Variants in IQSEC1 observed in about 807,000 individuals in gnomAD.
IQSEC1 encodes IQ motif and Sec7 domain ArfGEF 1, also known as IQ motif and SEC7 domain-containing protein 1.
In IQSEC1, 31 loss-of-function variants were observed where a neutral mutation model predicts 91.0. The observed-to-expected ratio is 0.34, with a 90% CI of 0.26 to 0.46. IQSEC1 has a LOEUF of 0.46. IQSEC1 is among the 20% of genes least tolerant of loss of function. IQSEC1 has a pLI of 1.00. For synonymous variants in IQSEC1, 699 were observed against 662.6 expected (o/e 1.05, Z -0.84); for missense variants, 1,388 against 1,575.6 (o/e 0.88, Z 2.02).
At chr3:12,944,667 G>A (rs191164825) in intron 1 of IQSEC1, among the ~76,000 whole-genome samples, 2 of 152,224 alleles carry the variant, frequency 1.3e-5, no homozygotes, top group South Asian at 2.1e-4. Flanking sequence ...AGGGAACAAC[G>A]GCTGGTCCTT....
At chr3:13,231,523 G>A (rs957345593) in intron 1 of IQSEC1, among the ~76,000 whole-genome samples, 1 of 150,154 alleles carries the variant, frequency 6.7e-6, no homozygotes, top group African/African-American at 2.5e-5. Context: ...TCCATCATGA[G>A]GGCTCCACCT....
At chr3:12,987,912 C>T (rs527759432) in intron 1 of IQSEC1, among the ~76,000 whole-genome samples, 23 of 152,286 alleles carry the variant, frequency 1.5e-4, no homozygotes, top group East Asian at 5.8e-4. Context: ...TGAGTGAAAA[C>T]GACAAAGACC....
chr3:12,932,472 G>A (rs889994338), intron 3 of IQSEC1, among the ~76,000 whole-genome samples: 8 of 152,320 alleles, frequency 5.3e-5, no homozygotes, highest in South Asian at 2.1e-4. Context: ...GGTAACGTGC[G>A]TTAGCGCGTG....
intron 2 of IQSEC1, among the ~76,000 whole-genome samples, chr3:13,119,465 C>T (rs1706388911): frequency 6.6e-6 from 1 of 152,238 alleles, no homozygotes; most frequent in African/African-American, 2.4e-5. Context: ...CTGAGATGAC[C>T]TGATACCGTC....
Position 12,908,290 on chromosome 3 carries a change from G to A in IQSEC1, c.2755+59C>T, listed in dbSNP as rs777999280. 206 of 1,565,204 alleles carry A rather than the reference G, an allele frequency of 1.3e-4. No individual in the cohort carries two copies. The highest frequency in any genetic ancestry group is 1.7e-4 in the Non-Finnish European group (197 of 1,146,592). ...CGTGATGCATGCCCTGAATGCAGAC[G>A]CCCTGCCTCGGTCTTGCATGCGCTG... On this transcript the variant is annotated intron_variant, in intron 12 of 13. Transcript: ENST00000613206. The surrounding 1 kb of genome is among the most constrained non-coding windows in gnomAD (Gnocchi z 4.9).
In IQSEC1 at chr3:13,214,076, C is replaced by T. The variant is rs909282792; in HGVS notation, c.273-49943G>A. On this transcript the variant is annotated intron_variant, in intron 1 of 15. Coordinates refer to the IQSEC1 transcript ENST00000648114. This position sits in a 1 kb window ranked among gnomAD's most constrained non-coding sequence, Gnocchi z 4.5. ...GGCCTGTCCCCTGTGTCCCTGTCCA[C>T]TGTGCTCTGTCCACACGGCCCAGCC... Among the ~76,000 whole-genome samples, 1 of 152,226 alleles carries T rather than the reference C, an allele frequency of 6.6e-6. No individual in the cohort carries two copies. Among genetic ancestry groups the T allele is most frequent in the African/African-American group, 2.4e-5 (1 of 41,460 alleles).
chr3:13,146,078 C>A (rs1430559002), intron 2 of IQSEC1, among the ~76,000 whole-genome samples: 1 of 152,098 alleles, frequency 6.6e-6, no homozygotes, highest in Non-Finnish European at 1.5e-5. Context: ...GCCTTGAACT[C>A]CTGGGCTCAA....
At chr3:13,076,314 T>C (rs1326293202), upstream of IQSEC1, among the ~76,000 whole-genome samples, 1 of 152,210 alleles carries the variant, frequency 6.6e-6, no homozygotes, top group African/African-American at 2.4e-5. Context: ...TGCCTCATCA[T>C]TGTGGACTGT....
chr3:13,151,799 C>G (rs1372837409), intron 2 of IQSEC1, among the ~76,000 whole-genome samples: 1 of 152,154 alleles, frequency 6.6e-6, no homozygotes, highest in Non-Finnish European at 1.5e-5. Flanking sequence ...AACCCTGTCT[C>G]TACTAAAAAT....
At chr3:13,077,221 A>G (rs966944976), upstream of IQSEC1, among the ~76,000 whole-genome samples, 1 of 152,164 alleles carries the variant, frequency 6.6e-6, no homozygotes, top group African/African-American at 2.4e-5. Flanking sequence ...AAAGATTTAA[A>G]ATGTGCCAAA....
intron 1 of IQSEC1, among the ~76,000 whole-genome samples, chr3:13,058,950 G>T (rs2125082836): frequency 6.6e-6 from 1 of 152,152 alleles, no homozygotes; most frequent in East Asian, 1.9e-4. Context: ...CAGCCAGGTG[G>T]GTGGGCTGAG....
intron 1 of IQSEC1, among the ~76,000 whole-genome samples, chr3:12,981,112 A>C (rs1473536752): frequency 6.6e-6 from 1 of 152,200 alleles, no homozygotes; most frequent in Non-Finnish European, 1.5e-5. Flanking sequence ...AGCCACTCCA[A>C]GGGCAGCAGA....
At chr3:13,122,494 T>C (rs992555187) in intron 2 of IQSEC1, among the ~76,000 whole-genome samples, 1 of 147,028 alleles carries the variant, frequency 6.8e-6, no homozygotes, top group African/African-American at 2.5e-5. Context: ...GTGAGGGGTA[T>C]GGGATGAAGA....
intron 1 of IQSEC1, among the ~76,000 whole-genome samples, chr3:12,976,859 C>T (rs1207191432): frequency 6.6e-6 from 1 of 152,188 alleles, no homozygotes; most frequent in Non-Finnish European, 1.5e-5. Context: ...AGGTCTCCTT[C>T]CCTCTCCCCA....
chr3:13,206,138 C>G (rs1308485560), intron 1 of IQSEC1, among the ~76,000 whole-genome samples: 1 of 151,196 alleles, frequency 6.6e-6, no homozygotes. Context: ...CTCATCAATC[C>G]CTCCATCCAC....
At chr3:13,021,159 G>T (rs1406838356) in intron 1 of IQSEC1, among the ~76,000 whole-genome samples, 1 of 152,152 alleles carries the variant, frequency 6.6e-6, no homozygotes, top group Non-Finnish European at 1.5e-5. Flanking sequence ...TTCGGGCCCC[G>T]TGTAGTTCCC....
intron 2 of IQSEC1, among the ~76,000 whole-genome samples, chr3:13,095,031 A>G (rs916324565): frequency 2.6e-5 from 4 of 151,356 alleles, no homozygotes; most frequent in African/African-American, 7.3e-5. Flanking sequence ...ACCTGGGCAA[A>G]CGCTATTGCA....
chr3:13,122,050 C>T (rs557484974), intron 2 of IQSEC1, among the ~76,000 whole-genome samples: 1 of 152,362 alleles, frequency 6.6e-6, no homozygotes, highest in East Asian at 1.9e-4. Context: ...GGGAGCTCAC[C>T]TTCCAGTGAA....
chr3:13,060,624 C>T (rs1030494688), intron 1 of IQSEC1, among the ~76,000 whole-genome samples: 1 of 152,206 alleles, frequency 6.6e-6, no homozygotes, highest in Non-Finnish European at 1.5e-5. Context: ...GGGCCTAGGG[C>T]ACATCTAAGG....
Sources: gnomAD v4.1 joint callset for allele counts (sites outside exome capture counted in the v4.1 genomes callset) on GRCh38, gnomAD v4.1.1 for gene constraint, Gnocchi (gnomAD v3.1) non-coding constraint, MANE v1.5 for transcripts, NCBI Gene and HGNC (gene_info 2026-07-23, HGNC 2026-07-21) for gene names.